The following ODF2 variants were observed in gnomAD, a reference collection of about 807,000 sequenced individuals.
ODF2 encodes outer dense fiber of sperm tails 2.
ODF2 carries 47 observed loss-of-function variants against 110.2 expected under a neutral mutation model. The observed-to-expected ratio is 0.43, with a 90% CI of 0.34 to 0.54. The LOEUF (loss-of-function observed/expected upper bound fraction) is 0.54, where lower values mean the gene tolerates loss of function less well. ODF2 is among the 20% of genes least tolerant of loss of function. The pLI is 0.03. For synonymous variants in ODF2, 352 were observed against 397.7 expected, an observed-to-expected ratio of 0.89 and a Z score of 1.37; for missense variants, 812 against 1,054.5, an observed-to-expected ratio of 0.77 and a Z score of 3.19.
chr9:128,483,580 CAA>C (rs146802585), intron 10 of ODF2, among the ~76,000 whole-genome samples: 44 of 107,148 alleles, frequency 4.1e-4, no homozygotes, highest in Non-Finnish European at 3.1e-4. Context: ...TACCCTGTCT[CAA>C]AAAAAAAAAA....
chr9:128,486,127 C>T (rs942194099), intron 13 of ODF2, among the ~76,000 whole-genome samples: 4 of 152,170 alleles, frequency 2.6e-5, no homozygotes, highest in African/African-American at 9.7e-5. Flanking sequence ...CAAATGCATT[C>T]CCTGCCCTCT....
intron 1 of ODF2, 84 bp downstream of exon 1, chr9:128,456,339 G>A: frequency 6.9e-7 from 1 of 1,444,262 alleles, no homozygotes; most frequent in Non-Finnish European, 9.0e-7. Context: ...CGGCGCGGTC[G>A]ACCCCGCGGG....
intron 10 of ODF2, among the ~76,000 whole-genome samples, chr9:128,483,710 C>A (rs1183133775): frequency 6.6e-6 from 1 of 151,888 alleles, no homozygotes; most frequent in African/African-American, 2.4e-5. Flanking sequence ...CATGGTGAAA[C>A]CCTGTCTCTA....
intron 18 of ODF2, chr9:128,497,702 T>TGA (rs1258147021): frequency 6.6e-6 from 1 of 150,962 alleles, no homozygotes; most frequent in East Asian, 1.9e-4. Flanking sequence ...GTTTCAGAGG[T>TGA]GAAGGTGCCT....
chr9:128,475,933 C>G (rs986585063), intron 8 of ODF2, among the ~76,000 whole-genome samples: 5 of 151,966 alleles, frequency 3.3e-5, no homozygotes, highest in Non-Finnish European at 7.4e-5. Flanking sequence ...GGTAAGCCAC[C>G]GCGCCCGGCC....
At chr9:128,473,490 A>T in intron 7 of ODF2, 120 bp from the exon 8 acceptor site, 1 of 1,488,184 alleles carries the variant, frequency 6.7e-7, no homozygotes, top group Non-Finnish European at 9.0e-7. Context: ...TCACCTTGGC[A>T]CTGTACACAG....
chr9:128,471,084 T>C (rs1269893673), intron 5 of ODF2, among the ~76,000 whole-genome samples: 1 of 152,100 alleles, frequency 6.6e-6, no homozygotes, highest in African/African-American at 2.4e-5. Flanking sequence ...TGGCTAATTT[T>C]TGTATTTTCA....
chr9:128,455,248 TAG>T (rs1564442742), upstream of ODF2: 2 of 1,534,474 alleles, frequency 1.3e-6, no homozygotes, highest in Admixed American at 2.0e-5. Flanking sequence ...CAGAGCGGCA[TAG>T]AGAGTGCAGG....
intron 19 of ODF2, 30 bp downstream of exon 19, chr9:128,498,605 C>G: frequency 1.5e-6 from 2 of 1,299,436 alleles, no homozygotes; most frequent in Non-Finnish European, 2.2e-6. Flanking sequence ...ATGACTAGCT[C>G]TGTGACCTTG....
At chr9:128,467,016 T>A (rs10988002) in intron 4 of ODF2, among the ~76,000 whole-genome samples, 12 of 15,530 alleles carry the variant, frequency 7.7e-4, no homozygotes, top group East Asian at 3.8e-3. Flanking sequence ...AAAAAAAAAA[T>A]ATATATATAT....
chr9:128,471,552 G>A (rs758706174), intron 6 of ODF2, 84 bp downstream of exon 6: 13 of 1,398,364 alleles, frequency 9.3e-6, no homozygotes, highest in South Asian at 2.6e-5. Context: ...GGAAAGCAAC[G>A]TAGGAGGTGG....
At chr9:128,462,692 C>G (rs753192629) in intron 4 of ODF2, among the ~76,000 whole-genome samples, 3 of 151,992 alleles carry the variant, frequency 2.0e-5, no homozygotes, top group South Asian at 4.1e-4. Context: ...CTCCGCCTCC[C>G]GGGTTCACAC....
intron 8 of ODF2, among the ~76,000 whole-genome samples, chr9:128,481,187 T>G (rs1450017530): frequency 1.3e-5 from 2 of 152,050 alleles, no homozygotes; most frequent in African/African-American, 4.8e-5. Context: ...TACAGTTTTT[T>G]GGGCCAGGTG....
chr9:128,457,846 G>C (rs1835315176), intron 2 of ODF2, among the ~76,000 whole-genome samples: 1 of 151,734 alleles, frequency 6.6e-6, no homozygotes, highest in Non-Finnish European at 1.5e-5. Context: ...TTGGCTTTAC[G>C]TGAACAATGT....
rs568492334 is a variant in ODF2 at position 128,500,284 on chromosome 9, T to A, written c.*29T>A. 1.2e-5 allele frequency: 19 copies of A among 1,610,414 alleles called. 1 individual carries two copies. The South Asian group carries it at 1.5e-4, about 13-fold the overall frequency. On this transcript the variant is annotated 3_prime_UTR_variant, in exon 21 of 21. Transcript: ENST00000604420. ...CACTTATCAGGGCCTGGAGCCCTGA[T>A]GGAAGCCATAGGAACTCCAGAGTTG...
intron 1 of ODF2, chr9:128,457,066 A>C: frequency 7.7e-7 from 1 of 1,307,068 alleles, no homozygotes; most frequent in Non-Finnish European, 9.9e-7. Flanking sequence ...TTCCCCCGGT[A>C]GCCACCGGCA....
At chr9:128,484,016 A>G (rs1328396164) in exon 11 of ODF2, 1 of 1,613,338 alleles carries the variant, frequency 6.2e-7, no homozygotes, top group Non-Finnish European at 8.5e-7. Context: ...GCTTCGGTCC[A>G]AAGAGGCTGA....
chr9:128,457,494 C>T, intron 2 of ODF2: 1 of 1,523,698 alleles, frequency 6.6e-7, no homozygotes, highest in Non-Finnish European at 8.8e-7. Context: ...GGCCAGGGGT[C>T]CCCAGGGCAG....
At chr9:128,455,870 G>C, upstream of ODF2, 1 of 1,064,908 alleles carries the variant, frequency 9.4e-7, no homozygotes, top group Non-Finnish European at 1.3e-6. Flanking sequence ...AGGGGAATCC[G>C]GGAGGATCCA....
Sources: allele counts gnomAD v4.1 joint callset (sites outside exome capture counted in the v4.1 genomes callset), GRCh38; gene constraint gnomAD v4.1.1; transcripts MANE v1.5; gene names NCBI Gene and HGNC (gene_info 2026-07-23, HGNC 2026-07-21).